The following NELL1 variants were observed in gnomAD, a reference collection of about 807,000 sequenced individuals.
NELL1 encodes the protein protein kinase C-binding protein NELL1.
A neutral mutation model predicts 107.4 loss-of-function variants in NELL1; 76 were observed. The ratio of observed to expected loss-of-function variants is 0.71; its 90% confidence interval spans 0.59 to 0.86. NELL1 has a LOEUF of 0.86. Ranked by LOEUF, NELL1 falls within the 40% of genes least tolerant of loss-of-function variation. NELL1 has a pLI of 0.00. For synonymous variants in NELL1, 353 were observed against 341.2 expected (o/e 1.03, Z -0.38); for missense variants, 1,024 against 1,005.5 (o/e 1.02, Z -0.25).
At position 20,697,468 on chromosome 11, in the gene NELL1, A is replaced by G. The variant is rs143107037; in HGVS notation, c.184+19408A>G. ...CTGCTTCAAAAGAGTTTCTAAAGGA[A>G]GAATAGATAGTATCTTTCAAGTAGC... On this transcript the variant is annotated intron_variant, in intron 2 of 19. Transcript: ENST00000357134. Among the ~76,000 whole-genome samples the G allele has an allele frequency of 3.1e-3, 471 of 151,988 alleles. 7 individuals carry two copies. The highest frequency in any genetic ancestry group is 0.02 in the Admixed American group (306 of 15,232).
intron 15 of NELL1, among the ~76,000 whole-genome samples, chr11:21,424,476 C>G (rs1007201958): frequency 6.6e-6 from 1 of 151,966 alleles, no homozygotes; most frequent in African/African-American, 2.4e-5. Context: ...CAAGAATTAG[C>G]CAGATGTGGT....
intron 12 of NELL1, among the ~76,000 whole-genome samples, chr11:21,103,553 A>G (rs1854873983): frequency 6.6e-6 from 1 of 152,178 alleles, no homozygotes; most frequent in African/African-American, 2.4e-5. Flanking sequence ...TACATGCAAA[A>G]TGCTTAAAAC....
chr11:21,166,205 A>G (rs1856478131), intron 13 of NELL1, among the ~76,000 whole-genome samples: 1 of 151,742 alleles, frequency 6.6e-6, no homozygotes, highest in Admixed American at 6.6e-5. Flanking sequence ...GATAGGGAGT[A>G]GAAGGATGGA....
chr11:21,430,841 C>G (rs1386169651), intron 15 of NELL1, among the ~76,000 whole-genome samples: 1 of 152,138 alleles, frequency 6.6e-6, no homozygotes, highest in Admixed American at 6.6e-5. Context: ...TACTAACTGT[C>G]ACTATGTTTT....
chr11:21,128,343 T>A (rs1488307720), intron 13 of NELL1, among the ~76,000 whole-genome samples: 2 of 152,184 alleles, frequency 1.3e-5, no homozygotes, highest in African/African-American at 4.8e-5. Context: ...ATTCCCTAGA[T>A]GAATTAGCAT....
intron 7 of NELL1, among the ~76,000 whole-genome samples, chr11:20,922,674 C>G (rs535028760): frequency 7.2e-5 from 11 of 151,790 alleles, no homozygotes; most frequent in Admixed American, 7.2e-4. Flanking sequence ...CCAGCAGTTC[C>G]GATTAAGATG....
chr11:20,873,454 G>A (rs1190166257), intron 4 of NELL1, among the ~76,000 whole-genome samples: 1 of 152,180 alleles, frequency 6.6e-6, no homozygotes, highest in Non-Finnish European at 1.5e-5. Flanking sequence ...AGATTATTCT[G>A]TGAAGATAAA....
rs577370929 is a variant in NELL1 at position 21,549,407 on chromosome 11, G to A, written c.1787-10782G>A. Among the ~76,000 whole-genome samples the A allele has an allele frequency of 4.6e-5, 7 of 152,032 alleles. No individual in the cohort carries two copies. In the South Asian group the frequency reaches 1.5e-3, roughly 32 times the overall value. On this transcript the variant is annotated intron_variant, in intron 16 of 19. Coordinates refer to ENST00000357134, the MANE Select transcript of NELL1 (RefSeq NM_006157.5). ...AAAAGTACCTAGGGTGGCCAGGATAGCAAACCATCTGCAGGTTCTTGAGGA... is the reference window on the plus strand; with the variant it reads ...AAAAGTACCTAGGGTGGCCAGGATAACAAACCATCTGCAGGTTCTTGAGGA...
At chr11:21,365,820 G>A (rs973312410) in intron 14 of NELL1, among the ~76,000 whole-genome samples, 1 of 151,498 alleles carries the variant, frequency 6.6e-6, no homozygotes, top group African/African-American at 2.4e-5. Flanking sequence ...GAGAGGTTGA[G>A]GGGGGAGGAA....
intron 15 of NELL1, among the ~76,000 whole-genome samples, chr11:21,442,998 T>C (rs1333997994): frequency 2.8e-5 from 4 of 140,412 alleles, no homozygotes; most frequent in African/African-American, 1.0e-4. Flanking sequence ...TTTTATTCCA[T>C]GTTTTGCTGC....
chr11:20,750,667 C>A (rs1231294594), intron 2 of NELL1, among the ~76,000 whole-genome samples: 2 of 151,968 alleles, frequency 1.3e-5, no homozygotes, highest in Non-Finnish European at 2.9e-5. Flanking sequence ...GCTCACTGTA[C>A]CCTTGAATTC....
intron 15 of NELL1, among the ~76,000 whole-genome samples, chr11:21,383,525 C>T (rs1851661438): frequency 6.6e-6 from 1 of 151,756 alleles, no homozygotes; most frequent in Admixed American, 6.6e-5. Flanking sequence ...AGCTTTATCT[C>T]CTACTTCTCC....
chr11:21,145,659 C>A (rs974106075), intron 13 of NELL1, among the ~76,000 whole-genome samples: 6 of 152,176 alleles, frequency 3.9e-5, no homozygotes, highest in Non-Finnish European at 7.3e-5. Context: ...ATGTCTTAGA[C>A]ATTTTTAGTA....
chr11:21,422,666 C>G (rs2133823851), intron 15 of NELL1, among the ~76,000 whole-genome samples: 1 of 151,812 alleles, frequency 6.6e-6, no homozygotes, highest in East Asian at 1.9e-4. Context: ...TTATAGTAAC[C>G]ACAAAGTTGT....
chr11:21,356,249 C>T (rs1850930860), intron 14 of NELL1, among the ~76,000 whole-genome samples: 1 of 152,130 alleles, frequency 6.6e-6, no homozygotes, highest in Non-Finnish European at 1.5e-5. Context: ...GTTCTGTTAA[C>T]TACTTGAGCC....
chr11:21,507,836 G>A lies in NELL1; in HGVS notation c.1646-26538G>A, dbSNP rs1279177110. Among the ~76,000 whole-genome samples, 5 of 150,654 alleles carry A rather than the reference G, an allele frequency of 3.3e-5. No individual in the cohort carries two copies. The East Asian group carries it at 5.9e-4, about 18-fold the overall frequency. On this transcript the variant is annotated intron_variant, in intron 15 of 19. Coordinates refer to ENST00000357134, the MANE Select transcript of NELL1 (RefSeq NM_006157.5). ...TCACTCTGTCACCAGGCTGGAGTGC[G>A]GCGGCGTGATCTCAGCTCAGTGCAA...
intron 11 of NELL1, 86 bp from the exon 12 acceptor site, chr11:20,960,346 T>TA: frequency 7.5e-7 from 1 of 1,339,426 alleles, no homozygotes; most frequent in Non-Finnish European, 1.0e-6. Context: ...CATAGTGACA[T>TA]ATAATAAAAA....
chr11:21,252,676 C>T (rs1001430263), intron 14 of NELL1, among the ~76,000 whole-genome samples: 2 of 152,194 alleles, frequency 1.3e-5, no homozygotes, highest in South Asian at 4.1e-4. Flanking sequence ...AAAATGGAAG[C>T]TTCTCATACT....
intron 14 of NELL1, among the ~76,000 whole-genome samples, chr11:21,306,369 C>A (rs1016797864): frequency 2.0e-5 from 3 of 151,888 alleles, no homozygotes; most frequent in Non-Finnish European, 4.4e-5. Context: ...GAAAGTAGAG[C>A]TGAAAATAAA....
Sources: allele counts gnomAD v4.1 joint callset (sites outside exome capture counted in the v4.1 genomes callset), GRCh38; gene constraint gnomAD v4.1.1; transcripts MANE v1.5; gene names NCBI Gene and HGNC (gene_info 2026-07-23, HGNC 2026-07-21).